The following NCK2 variants were observed in gnomAD, a reference collection of about 807,000 sequenced individuals.
NCK2 encodes the protein NCK adaptor protein 2.
A neutral mutation model predicts 33.9 loss-of-function variants in NCK2; 16 were observed. The ratio of observed to expected loss-of-function variants is 0.47; its 90% CI spans 0.32 to 0.72. The LOEUF (loss-of-function observed/expected upper bound fraction) is 0.72. NCK2 is among the 30% of genes least tolerant of loss of function. The probability of loss-of-function intolerance (pLI) is 0.03; values close to 1 mark genes in which losing one functional copy is unlikely to be tolerated. For synonymous variants in NCK2, 273 were observed against 239.9 expected (o/e 1.14, Z -1.27); for missense variants, 418 against 537.3 (o/e 0.78, Z 2.19).
intron 3 of NCK2, among the ~76,000 whole-genome samples, chr2:105,872,248 C>A: frequency 6.6e-6 from 1 of 152,218 alleles, no homozygotes; most frequent in East Asian, 1.9e-4. Flanking sequence ...AAGGTGCCTG[C>A]TGCTGCTTGC....
At chr2:105,808,108 G>A (rs192599699) in intron 1 of NCK2, among the ~76,000 whole-genome samples, 1,953 of 152,114 alleles carry the variant, frequency 0.013, 38 homozygotes, top group African/African-American at 0.041. Context: ...TCACCATGTT[G>A]GCCAGGATGG....
At chr2:105,885,985 G>T (rs1678707289) in intron 4 of NCK2, among the ~76,000 whole-genome samples, 1 of 152,142 alleles carries the variant, frequency 6.6e-6, no homozygotes, top group Non-Finnish European at 1.5e-5. Flanking sequence ...TGATGAATTA[G>T]GAGGAGGTAG....
chr2:105,769,696 G>A (rs2104376564), intron 1 of NCK2, among the ~76,000 whole-genome samples: 1 of 152,274 alleles, frequency 6.6e-6, no homozygotes, highest in South Asian at 2.1e-4. Flanking sequence ...CGCAGCTTCC[G>A]CCCTGAGGAG....
chr2:105,806,536 C>A (rs1381904625), intron 1 of NCK2, among the ~76,000 whole-genome samples: 1 of 152,218 alleles, frequency 6.6e-6, no homozygotes, highest in African/African-American at 2.4e-5. Context: ...CCACTCCCGG[C>A]CACATATATT....
chr2:105,800,195 C>T (rs1674774067), intron 1 of NCK2, among the ~76,000 whole-genome samples: 1 of 152,220 alleles, frequency 6.6e-6, no homozygotes. Context: ...ACGGGGGCCA[C>T]ATGCCCAGGG....
intron 3 of NCK2, among the ~76,000 whole-genome samples, chr2:105,864,321 T>TGG (rs1363538344): frequency 6.6e-6 from 1 of 151,802 alleles, no homozygotes; most frequent in Non-Finnish European, 1.5e-5. Flanking sequence ...AGCTCAGCTG[T>TGG]GGGGATGGAG....
intron 3 of NCK2, among the ~76,000 whole-genome samples, chr2:105,877,548 C>T (rs1678290195): frequency 6.6e-6 from 1 of 152,310 alleles, no homozygotes; most frequent in African/African-American, 2.4e-5. Context: ...ATTATCTGAA[C>T]CTCAGCCCCT....
chr2:105,791,612 AAG>A (rs759874772), intron 1 of NCK2, among the ~76,000 whole-genome samples: 6 of 152,202 alleles, frequency 3.9e-5, no homozygotes, highest in African/African-American at 7.2e-5. Flanking sequence ...CTCTAGAGCA[AAG>A]AGCATTTCGA....
rs147191706 is a variant in NCK2, at chr2:105,800,465, C to A, written c.-200-15965C>A. The stretch of plus-strand genomic sequence containing the variant: ...TTAGAGCATGAAATTCTGAGGTGCA[C>A]AGTTCCTGAGCTTTAAACTTGAGTG... On this transcript the variant is annotated intron_variant, in intron 1 of 4. Transcript: ENST00000233154. 8.5e-3 allele frequency among the ~76,000 whole-genome samples: 1,292 copies of A among 152,234 alleles called. 23 individuals are homozygous for A. Among genetic ancestry groups the A allele is most frequent in the African/African-American group, 0.029 (1,221 of 41,510 alleles).
chr2:105,784,001 G>T (rs1219954622), intron 1 of NCK2, among the ~76,000 whole-genome samples: 1 of 152,244 alleles, frequency 6.6e-6, no homozygotes, highest in Admixed American at 6.5e-5. Flanking sequence ...AGCAGGACCT[G>T]CTTCAGCTGG....
chr2:105,752,911 G>GACACAC (rs138786837), intron 1 of NCK2, among the ~76,000 whole-genome samples: 3 of 151,758 alleles, frequency 2.0e-5, no homozygotes, highest in South Asian at 2.1e-4. Flanking sequence ...CACGGACACA[G>GACACAC]ACACACACAC....
intron 1 of NCK2, among the ~76,000 whole-genome samples, chr2:105,750,065 C>CACACAA (rs1689406623): frequency 6.6e-6 from 1 of 151,878 alleles, no homozygotes; most frequent in South Asian, 2.1e-4. Flanking sequence ...CACACACACA[C>CACACAA]ACAAAACAAC....
chr2:105,821,678 C>G (rs927194066), intron 2 of NCK2, among the ~76,000 whole-genome samples: 1 of 152,030 alleles, frequency 6.6e-6, no homozygotes, highest in Non-Finnish European at 1.5e-5. Context: ...GGCAGGTGCC[C>G]GGCACAGGGC....
At chr2:105,827,820 G>A (rs888169491) in intron 2 of NCK2, among the ~76,000 whole-genome samples, 1 of 152,230 alleles carries the variant, frequency 6.6e-6, no homozygotes, top group Non-Finnish European at 1.5e-5. Flanking sequence ...GTCAGAAAGG[G>A]AGGTGGGTGT....
intron 1 of NCK2, among the ~76,000 whole-genome samples, chr2:105,816,208 A>C (rs1358032275): frequency 6.6e-6 from 1 of 152,234 alleles, no homozygotes; most frequent in Non-Finnish European, 1.5e-5. Context: ...GGGGAGACTT[A>C]GGCAGGAGGA....
chr2:105,803,682 G>A (rs1208325734), intron 1 of NCK2, among the ~76,000 whole-genome samples: 1 of 152,164 alleles, frequency 6.6e-6, no homozygotes, highest in East Asian at 1.9e-4. Flanking sequence ...TTTCACACTT[G>A]TGGTCCAGTT....
chr2:105,750,255 G>T (rs1453840234), intron 1 of NCK2, among the ~76,000 whole-genome samples: 1 of 152,104 alleles, frequency 6.6e-6, no homozygotes, highest in Non-Finnish European at 1.5e-5. Flanking sequence ...GAGAGGTCTG[G>T]TGTTTCTTCC....
rs532116665 is a variant in NCK2 at position 105,807,058 on chromosome 2, T to C, written c.-200-9372T>C. Among the ~76,000 whole-genome samples, 9 of 152,282 alleles carry C rather than the reference T, an allele frequency of 5.9e-5. No homozygotes were observed. In the South Asian group the frequency reaches 1.7e-3, roughly 28 times the overall value. On this transcript the variant is annotated intron_variant, in intron 1 of 4. Transcript: ENST00000233154. Reference sequence around the variant, plus strand: ...ACTTTTCAAATGACCCGTGATGTAATGTGGAATGAAGGTAGAGTCTGAGTA... The same window carrying C: ...ACTTTTCAAATGACCCGTGATGTAACGTGGAATGAAGGTAGAGTCTGAGTA...
At chr2:105,768,511 C>G (rs1246366943) in intron 1 of NCK2, among the ~76,000 whole-genome samples, 2 of 152,186 alleles carry the variant, frequency 1.3e-5, no homozygotes. Context: ...GACCTCACTT[C>G]AGGTTCCATA....
Sources: allele counts gnomAD v4.1 joint callset (sites outside exome capture counted in the v4.1 genomes callset), GRCh38; gene constraint gnomAD v4.1.1; transcripts MANE v1.5; gene names NCBI Gene and HGNC (gene_info 2026-07-23, HGNC 2026-07-21).